Variants in TMEM200A observed in about 807,000 individuals in gnomAD.
TMEM200A encodes two transmembrane C.
TMEM200A carries 12 observed loss-of-function variants against 24.3 expected under a neutral mutation model. The observed-to-expected ratio is 0.49, with a 90% CI of 0.32 to 0.80. TMEM200A has a LOEUF of 0.80. Ranked by LOEUF, TMEM200A falls within the 30% of genes least tolerant of loss-of-function variation. The probability of loss-of-function intolerance (pLI) is 0.04; values close to 1 mark genes in which losing one functional copy is unlikely to be tolerated. For synonymous variants in TMEM200A, 224 were observed against 224.4 expected (o/e 1.00, Z 0.02); for missense variants, 545 against 614.4 (o/e 0.89, Z 1.19).
chr6:130,397,378 A>G (rs1008828955), intron 2 of TMEM200A, among the ~76,000 whole-genome samples: 6 of 152,114 alleles, frequency 3.9e-5, no homozygotes, highest in African/African-American at 1.4e-4. Flanking sequence ...TTTGTAACTT[A>G]GTCCATTTTT....
intron 2 of TMEM200A, among the ~76,000 whole-genome samples, chr6:130,402,732 A>G (rs1779117494): frequency 6.6e-6 from 1 of 152,120 alleles, no homozygotes; most frequent in Non-Finnish European, 1.5e-5. Context: ...TTGGTTTTCA[A>G]CTTATCTACT....
At chr6:130,370,240 C>G (rs1778287422) in intron 1 of TMEM200A, among the ~76,000 whole-genome samples, 1 of 152,100 alleles carries the variant, frequency 6.6e-6, no homozygotes. Context: ...AAAAAGAGGT[C>G]CTTTCTCTTC....
chr6:130,394,327 T>G (rs1778900448), intron 2 of TMEM200A, among the ~76,000 whole-genome samples: 1 of 152,226 alleles, frequency 6.6e-6, no homozygotes, highest in Non-Finnish European at 1.5e-5. Context: ...ACTGTCATAT[T>G]GAAATTCCCT....
intron 2 of TMEM200A, among the ~76,000 whole-genome samples, chr6:130,430,834 T>C (rs17190151): frequency 0.027 from 4,138 of 152,302 alleles, 65 homozygotes; most frequent in African/African-American, 0.041. Flanking sequence ...AATGATGTAA[T>C]TTGAACAATT....
At chr6:130,396,800 C>T (rs1035561531) in intron 2 of TMEM200A, among the ~76,000 whole-genome samples, 2 of 152,052 alleles carry the variant, frequency 1.3e-5, no homozygotes, top group African/African-American at 4.8e-5. Flanking sequence ...AACATTTTGT[C>T]ATTAGAAAAT....
chr6:130,386,841 G>C lies in TMEM200A; in HGVS notation c.-17+1605G>C, dbSNP rs372723937. On this transcript the variant is annotated intron_variant, in intron 2 of 2. Transcript: ENST00000296978. ...TGTTACTTTAAAACTATGCTCAAAG[G>C]CATATTCCTTTTTCTTCGCCAGCAT... Among the ~76,000 whole-genome samples, 35 of 152,240 alleles carry C rather than the reference G, an allele frequency of 2.3e-4. No homozygotes were observed. The East Asian group carries it at 4.8e-3, about 21-fold the overall frequency.
chr6:130,402,670 A>G (rs759352255), intron 2 of TMEM200A, among the ~76,000 whole-genome samples: 1 of 152,134 alleles, frequency 6.6e-6, no homozygotes, highest in Non-Finnish European at 1.5e-5. Context: ...GAAGAATATA[A>G]TGTGTGCAGT....
At chr6:130,379,382 A>G (rs1455585340) in intron 1 of TMEM200A, among the ~76,000 whole-genome samples, 1 of 152,090 alleles carries the variant, frequency 6.6e-6, no homozygotes, top group Non-Finnish European at 1.5e-5. Context: ...CCAGAAACAG[A>G]TACTTAAGAG....
chr6:130,414,324 A>G (rs1159001006), intron 2 of TMEM200A, among the ~76,000 whole-genome samples: 8 of 149,520 alleles, frequency 5.4e-5, no homozygotes, highest in African/African-American at 2.0e-4. Flanking sequence ...CCCAGCTACT[A>G]GGGAGGCCGA....
At chr6:130,393,675 A>G (rs1241334796) in intron 2 of TMEM200A, among the ~76,000 whole-genome samples, 1 of 152,198 alleles carries the variant, frequency 6.6e-6, no homozygotes, top group African/African-American at 2.4e-5. Flanking sequence ...TAGTCTGAAG[A>G]GTCCTTTTTT....
chr6:130,367,801 A>T (rs1490942858), intron 1 of TMEM200A, among the ~76,000 whole-genome samples: 1 of 152,224 alleles, frequency 6.6e-6, no homozygotes. Flanking sequence ...ACTGTAAAAA[A>T]CACACACTGA....
intron 1 of TMEM200A, among the ~76,000 whole-genome samples, chr6:130,382,680 T>C (rs1273918521): frequency 6.6e-6 from 1 of 151,736 alleles, no homozygotes; most frequent in Non-Finnish European, 1.5e-5. Context: ...ACATGAAAGA[T>C]TTTTTTTTCC....
intron 1 of TMEM200A, among the ~76,000 whole-genome samples, chr6:130,378,170 T>C (rs1282359060): frequency 6.6e-6 from 1 of 152,100 alleles, no homozygotes; most frequent in Non-Finnish European, 1.5e-5. Flanking sequence ...CTGAGTTGTA[T>C]GGGAAGTATC....
chr6:130,410,451 T>A (rs1779305118), intron 2 of TMEM200A, among the ~76,000 whole-genome samples: 1 of 152,236 alleles, frequency 6.6e-6, no homozygotes, highest in South Asian at 2.1e-4. Context: ...GTTTTTATTT[T>A]AAGGGAATAT....
intron 2 of TMEM200A, among the ~76,000 whole-genome samples, chr6:130,432,025 A>C (rs565105359): frequency 1.3e-5 from 2 of 152,224 alleles, no homozygotes; most frequent in Non-Finnish European, 2.9e-5. Flanking sequence ...AATTCTCCCC[A>C]AGGTAGACCA....
chr6:130,378,506 G>A (rs573014282), intron 1 of TMEM200A, among the ~76,000 whole-genome samples: 96 of 151,740 alleles, frequency 6.3e-4, no homozygotes, highest in African/African-American at 2.2e-3. Flanking sequence ...GGCTGATCAC[G>A]AGGTCAGGAG....
chr6:130,413,176 T>C (rs180984637), intron 2 of TMEM200A, among the ~76,000 whole-genome samples: 530 of 152,348 alleles, frequency 3.5e-3, no homozygotes, highest in Non-Finnish European at 5.1e-3. Flanking sequence ...ATGGAATCTA[T>C]ACTGATAATC....
intron 2 of TMEM200A, among the ~76,000 whole-genome samples, chr6:130,424,246 T>G (rs984708646): frequency 2.6e-5 from 4 of 152,164 alleles, no homozygotes; most frequent in African/African-American, 9.7e-5. Flanking sequence ...GCTTTCCTTC[T>G]GCTTCCTGGC....
intron 1 of TMEM200A, among the ~76,000 whole-genome samples, chr6:130,380,464 T>C (rs1450321995): frequency 6.6e-6 from 1 of 152,154 alleles, no homozygotes; most frequent in Non-Finnish European, 1.5e-5. Context: ...AAAAAAGAAG[T>C]GATTGAATAG....
Sources: allele counts gnomAD v4.1 joint callset (sites outside exome capture counted in the v4.1 genomes callset), GRCh38; gene constraint gnomAD v4.1.1; transcripts MANE v1.5; gene names NCBI Gene and HGNC (gene_info 2026-07-23, HGNC 2026-07-21).